Variants in CCDC171 observed in about 807,000 individuals in gnomAD.
CCDC171 encodes coiled-coil domain containing 171.
In CCDC171, 177 loss-of-function variants were observed where a neutral mutation model predicts 168.2. The ratio of observed to expected loss-of-function variants is 1.05; its 90% CI spans 0.93 to 1.19. The LOEUF (loss-of-function observed/expected upper bound fraction) is 1.19. Among genes scored for constraint, CCDC171 ranks in the 50% most tolerant of loss-of-function variants. CCDC171 has a pLI of 0.00. For synonymous variants in CCDC171, 687 were observed against 540.8 expected (o/e 1.27, Z -3.75); for missense variants, 1,991 against 1,539.0 (o/e 1.29, Z -4.91).
intron 7 of CCDC171, among the ~76,000 whole-genome samples, chr9:15,643,675 T>G (rs190190241): frequency 1.3e-5 from 2 of 152,316 alleles, no homozygotes; most frequent in African/African-American, 2.4e-5. Flanking sequence ...CAGAGCGTTT[T>G]CATCACCCCA....
At chr9:15,735,025 A>G (rs1426237196) in intron 16 of CCDC171, among the ~76,000 whole-genome samples, 2 of 152,204 alleles carry the variant, frequency 1.3e-5, no homozygotes, top group East Asian at 3.8e-4. Flanking sequence ...CAATATTTGG[A>G]TTTGATTGCT....
chr9:16,079,552 C>G, the CCDC171 span, among the ~76,000 whole-genome samples: 1 of 152,176 alleles, frequency 6.6e-6, no homozygotes. Context: ...AAGAAGCAAA[C>G]GAACAAAGAA....
intron 10 of CCDC171, among the ~76,000 whole-genome samples, chr9:15,684,101 C>T (rs564381253): frequency 5.8e-4 from 88 of 152,068 alleles, no homozygotes; most frequent in Non-Finnish European, 1.1e-3. Flanking sequence ...ATGCATTGTG[C>T]ATATAATGGT....
At chr9:15,833,304 C>T (rs779687551) in intron 21 of CCDC171, among the ~76,000 whole-genome samples, 5 of 152,084 alleles carry the variant, frequency 3.3e-5, no homozygotes, top group Non-Finnish European at 7.4e-5. Flanking sequence ...ATTATGATCT[C>T]ATGAGAGTAC....
chr9:16,034,790 G>GT (rs930911261), intron 6 of CCDC171, among the ~76,000 whole-genome samples: 6 of 152,154 alleles, frequency 3.9e-5, no homozygotes, highest in Admixed American at 1.3e-4. Flanking sequence ...CTACAATCAT[G>GT]TTTTTTGTGC....
intron 3 of CCDC171, among the ~76,000 whole-genome samples, chr9:15,999,052 C>A (rs188348555): frequency 6.5e-4 from 98 of 151,844 alleles, no homozygotes; most frequent in African/African-American, 2.3e-3. Context: ...GGGCAGCATA[C>A]ATTTTTTTTT....
chr9:15,671,294 C>T (rs2049091906), intron 9 of CCDC171, among the ~76,000 whole-genome samples: 1 of 151,990 alleles, frequency 6.6e-6, no homozygotes, highest in African/African-American at 2.4e-5. Context: ...GATGTTCCTC[C>T]TGGACTCTTC....
intron 7 of CCDC171, among the ~76,000 whole-genome samples, chr9:15,638,627 G>C (rs1488032437): frequency 6.6e-6 from 1 of 151,776 alleles, no homozygotes; most frequent in Non-Finnish European, 1.5e-5. Context: ...TTTCTTGAAA[G>C]GTGATTTTTT....
chr9:16,031,342 G>A (rs1277143049), intron 6 of CCDC171, among the ~76,000 whole-genome samples: 1 of 152,108 alleles, frequency 6.6e-6, no homozygotes, highest in Non-Finnish European at 1.5e-5. Context: ...TTAGTGACTA[G>A]TAAATCCAAT....
At chr9:15,624,151 A>G (rs2044826510) in intron 7 of CCDC171, among the ~76,000 whole-genome samples, 2 of 152,138 alleles carry the variant, frequency 1.3e-5, no homozygotes. Flanking sequence ...AAGAACAGCA[A>G]TAAGGATTAT....
the CCDC171 span, among the ~76,000 whole-genome samples, chr9:16,097,916 C>T: frequency 1.3e-5 from 2 of 152,146 alleles, no homozygotes; most frequent in Non-Finnish European, 2.9e-5. Flanking sequence ...ATGCATCCTG[C>T]CCTAGGTGGT....
chr9:16,075,700 T>G, the CCDC171 span, among the ~76,000 whole-genome samples: 3 of 152,244 alleles, frequency 2.0e-5, no homozygotes, highest in South Asian at 2.1e-4. Context: ...GGCCACAGCT[T>G]TAGTCGGGAT....
chr9:15,745,338 C>T (rs1446027267), intron 17 of CCDC171, among the ~76,000 whole-genome samples, 177 bp from the exon 18 acceptor site: 1 of 152,076 alleles, frequency 6.6e-6, no homozygotes, highest in Non-Finnish European at 1.5e-5. Context: ...GTGTCATTTA[C>T]AGTTATTTGT....
intron 11 of CCDC171, among the ~76,000 whole-genome samples, chr9:15,697,608 A>G (rs892700063): frequency 6.6e-6 from 1 of 152,156 alleles, no homozygotes; most frequent in Non-Finnish European, 1.5e-5. Context: ...GCTTCCCAGT[A>G]TGTTTGAATG....
chr9:15,859,332 T>C (rs977196116), intron 23 of CCDC171, among the ~76,000 whole-genome samples: 1 of 152,068 alleles, frequency 6.6e-6, no homozygotes, highest in Non-Finnish European at 1.5e-5. Flanking sequence ...ATCAGGGATA[T>C]TGGCCTGTAG....
chr9:15,843,326 G>C (rs1351887419), intron 21 of CCDC171, among the ~76,000 whole-genome samples: 1 of 152,052 alleles, frequency 6.6e-6, no homozygotes, highest in Non-Finnish European at 1.5e-5. Flanking sequence ...TGTGACATTG[G>C]TTCTTGTGTA....
At chr9:15,879,117 A>T (rs910475181) in intron 24 of CCDC171, among the ~76,000 whole-genome samples, 1 of 152,192 alleles carries the variant, frequency 6.6e-6, no homozygotes, top group African/African-American at 2.4e-5. Context: ...TAAACCTAAA[A>T]TAAAAGTTAA....
At chr9:16,106,444 C>G in the CCDC171 span, among the ~76,000 whole-genome samples, 1 of 152,160 alleles carries the variant, frequency 6.6e-6, no homozygotes, top group African/African-American at 2.4e-5. Context: ...TCTGCCTCTC[C>G]CGGGCCTCCC....
At chr9:16,071,525 G>A in the CCDC171 span, among the ~76,000 whole-genome samples, 3 of 124,642 alleles carry the variant, frequency 2.4e-5, no homozygotes, top group Non-Finnish European at 4.9e-5. Flanking sequence ...TTTTTGCTTA[G>A]ATCTTCTTGC....
Sources: allele counts gnomAD v4.1 joint callset (sites outside exome capture counted in the v4.1 genomes callset), GRCh38; gene constraint gnomAD v4.1.1; transcripts MANE v1.5; gene names NCBI Gene and HGNC (gene_info 2026-07-23, HGNC 2026-07-21).